Variants in DDX50 observed in about 807,000 individuals in gnomAD.
DDX50 encodes the protein DExD-box helicase 50, also known as ATP-dependent RNA helicase DDX50.
A neutral mutation model predicts 94.8 loss-of-function variants in DDX50; 56 were observed. The observed-to-expected ratio is 0.59, with a 90% CI of 0.48 to 0.74. The LOEUF (loss-of-function observed/expected upper bound fraction) is 0.74. Ranked by LOEUF, DDX50 falls within the 30% of genes least tolerant of loss-of-function variation. The pLI is 0.00. For synonymous variants in DDX50, 264 were observed against 295.4 expected, an observed-to-expected ratio of 0.89 and a Z score of 1.09; for missense variants, 713 against 881.2, an observed-to-expected ratio of 0.81 and a Z score of 2.42.
intron 12 of DDX50, among the ~76,000 whole-genome samples, chr10:68,939,263 A>G (rs1447228956): frequency 2.6e-5 from 4 of 152,202 alleles, no homozygotes; most frequent in Admixed American, 2.6e-4. Context: ...CTAGTAACCC[A>G]CCAAATGCTT....
At chr10:68,907,317 CTTTTTT>C (rs59316500) in intron 2 of DDX50, among the ~76,000 whole-genome samples, 7 of 130,504 alleles carry the variant, frequency 5.4e-5, no homozygotes, top group Non-Finnish European at 7.9e-5. Context: ...TTTCTTTTTT[CTTTTTT>C]TTTTTTTTTT....
chr10:68,918,726 C>T (rs1841868884), intron 7 of DDX50, among the ~76,000 whole-genome samples: 2 of 152,216 alleles, frequency 1.3e-5, no homozygotes, highest in Admixed American at 1.3e-4. Context: ...TATTCCCAGC[C>T]TCCATTCCCT....
chr10:68,901,353 C>G lies in DDX50; in HGVS notation c.-32C>G, dbSNP rs1841279195. Reference sequence around the variant, plus strand: ...CGCTGCCCGTAGGTGGTTGTGGCCACTGTGCCCGGAGGGAGGCGGCGGTGG... The same window carrying G: ...CGCTGCCCGTAGGTGGTTGTGGCCAGTGTGCCCGGAGGGAGGCGGCGGTGG... On this transcript the variant is annotated 5_prime_UTR_variant, in exon 1 of 15. Coordinates refer to ENST00000373585, the MANE Select transcript of DDX50 (RefSeq NM_024045.2). The G allele has an allele frequency of 2.0e-6, 3 of 1,520,098 alleles. No homozygotes were observed. The highest frequency in any genetic ancestry group is 2.6e-5 in the East Asian group (1 of 38,470). The allele number at this position is 1,520,098 out of a possible 1,614,324, so 94.2% of individuals were successfully genotyped here. A position where few individuals can be genotyped will look rare whatever the true frequency, so the allele number is the denominator to read the frequency against.
chr10:68,926,685 G>T (rs966253140), intron 8 of DDX50, among the ~76,000 whole-genome samples: 1 of 151,418 alleles, frequency 6.6e-6, no homozygotes, highest in African/African-American at 2.4e-5. Context: ...CGGGAGAATC[G>T]ATTAAGCCCC....
rs1188921617 is a variant in DDX50, at chr10:68,936,795, CGTGCCA to C, written c.1596-136_1596-131del. 7 of 724,176 alleles carry C rather than the reference CGTGCCA, an allele frequency of 9.7e-6. No homozygotes were observed. In the East Asian group the frequency reaches 2.1e-4, roughly 22 times the overall value. The allele number at this position is 724,176 out of a possible 1,614,324, so 44.9% of individuals were successfully genotyped here. On this transcript the variant is annotated intron_variant, in intron 11 of 14. Coordinates refer to ENST00000373585, the MANE Select transcript of DDX50 (RefSeq NM_024045.2). ...GGTTGAGGCTGCAGTGAGCCAAGAT[CGTGCCA>C]GTGCGCTCCAGACTGGGTGACAGAG...
chr10:68,941,150 G>A lies in DDX50; in HGVS notation c.1846G>A (p.Ala616Thr). The A allele has an allele frequency of 6.2e-7, 1 of 1,613,460 alleles. No individual in the cohort carries two copies. The highest frequency in any genetic ancestry group is 8.5e-7 in the Non-Finnish European group (1 of 1,179,858). Reference protein sequence around the residue: ...KELNRKLSSNAVSQITRMCLL... With the variant: ...KELNRKLSSNTVSQITRMCLL... Reference sequence around the variant, plus strand: ...ACTTAACAGAAAGCTGAGTAGTAATGCAGTGTCTCAGATTACCAGAATGTG... The same window carrying A: ...ACTTAACAGAAAGCTGAGTAGTAATACAGTGTCTCAGATTACCAGAATGTG... The change falls in exon 13 of 15, where the codon GCA becomes ACA. Residue 616 changes from alanine to threonine, a missense_variant. This residue lies in a region of DDX50 where 428 missense variants were observed against 602.3 expected (regional missense o/e 0.71). Coordinates refer to ENST00000373585, the MANE Select transcript of DDX50 (RefSeq NM_024045.2).
intron 1 of DDX50, among the ~76,000 whole-genome samples, chr10:68,904,004 C>G (rs1409783124): frequency 6.8e-6 from 1 of 146,900 alleles, no homozygotes; most frequent in Admixed American, 6.8e-5. Flanking sequence ...ATTAGCTGGG[C>G]GTGGTGGCAG....
At chr10:68,928,423 C>A (rs1438365357) in intron 8 of DDX50, among the ~76,000 whole-genome samples, 1 of 152,154 alleles carries the variant, frequency 6.6e-6, no homozygotes, top group Admixed American at 6.5e-5. Flanking sequence ...GTAATCCCAG[C>A]ACTTTGGGAG....
rs985572877 is a variant in DDX50 at position 68,901,315 on chromosome 10, C to A, written c.-70C>A. The A allele has an allele frequency of 7.0e-7, 1 of 1,432,448 alleles. No homozygotes were observed. Among genetic ancestry groups the A allele is most frequent in the African/African-American group, 1.5e-5 (1 of 68,510 alleles). 88.7% of individuals were successfully genotyped at this position (1,432,448 alleles called of 1,614,324 possible). ...CCGGGCGGCCGCCTTGCCCCCGCTT[C>A]CTTTCACGCTGTCGCTGCCCGTAGG... is the stretch of plus-strand genomic sequence containing the variant. On this transcript the variant is annotated 5_prime_UTR_variant, in exon 1 of 15. Coordinates refer to ENST00000373585, the MANE Select transcript of DDX50 (RefSeq NM_024045.2).
At chr10:68,925,838 AC>A (rs1842067445) in intron 8 of DDX50, among the ~76,000 whole-genome samples, 1 of 151,748 alleles carries the variant, frequency 6.6e-6, no homozygotes. Flanking sequence ...ACATGGTGAA[AC>A]CCGGTCTCCA....
intron 8 of DDX50, among the ~76,000 whole-genome samples, chr10:68,925,337 C>T (rs533206993): frequency 1.1e-3 from 169 of 151,688 alleles, no homozygotes; most frequent in Admixed American, 4.9e-3. Context: ...CTCGAACTCT[C>T]GATCTCAGAT....
intron 12 of DDX50, among the ~76,000 whole-genome samples, chr10:68,940,480 T>C (rs1842530280): frequency 6.6e-6 from 1 of 151,748 alleles, no homozygotes; most frequent in African/African-American, 2.4e-5. Context: ...AGTGCAGTGG[T>C]GCAATCTCGG....
chr10:68,923,769 G>A (rs552746932), intron 8 of DDX50, among the ~76,000 whole-genome samples: 117 of 148,838 alleles, frequency 7.9e-4, no homozygotes, highest in African/African-American at 2.8e-3. Flanking sequence ...GTCTCGAACT[G>A]CTGACCTCAA....
rs1841690448 is a variant in DDX50, at chr10:68,913,403, G to A, written c.770G>A (p.Arg257Gln). 1.9e-6 allele frequency: 3 copies of A among 1,611,122 alleles called. No individual in the cohort carries two copies. The highest frequency in any genetic ancestry group is 1.3e-5 in the African/African-American group (1 of 74,800). Residue 257 changes from arginine to glutamine, a missense_variant, in exon 6 of 15, where the codon CGA becomes CAA. Coordinates refer to ENST00000373585, the MANE Select transcript of DDX50 (RefSeq NM_024045.2). ...TCTCTTCTCACAGTTAATCATATTC[G>A]AAATGGTATTGACATCTTGGTTGGA... is the stretch of plus-strand genomic sequence containing the variant. ...TSYQSQINHI[R>Q]NGIDILVGTP...
rs1589252580 is a variant in DDX50 at position 68,913,212 on chromosome 10, C to T, written c.690C>T (p.Asp230=). ...AACTGGCAAACCAAGTAGCCAAAGA[C>T]TTCAAAGATATAACTAGGAAACTCA... The part of the protein sequence containing the change: ...TRELANQVAK[D]FKDITRKLSV... Residue 230 remains aspartate, a synonymous_variant, in exon 5 of 15, where the codon GAC becomes GAT. Transcript: ENST00000373585. The T allele has an allele frequency of 6.2e-7, 1 of 1,613,382 alleles. No individual in the cohort carries two copies. The highest frequency in any genetic ancestry group is 8.5e-7 in the Non-Finnish European group (1 of 1,179,872).
At chr10:68,914,747 C>T (rs1341218693) in intron 7 of DDX50, among the ~76,000 whole-genome samples, 1 of 152,222 alleles carries the variant, frequency 6.6e-6, no homozygotes, top group Non-Finnish European at 1.5e-5. Flanking sequence ...TTGGGCTGAG[C>T]ATGGTGGCTC....
intron 7 of DDX50, among the ~76,000 whole-genome samples, chr10:68,918,734 C>T (rs1841869250): frequency 6.6e-6 from 1 of 152,080 alleles, no homozygotes; most frequent in Admixed American, 6.6e-5. Context: ...GCCTCCATTC[C>T]CTCCTTTCTT....
At chr10:68,910,272 A>G in intron 2 of DDX50, 35 bp from the exon 3 acceptor site, 1 of 1,496,324 alleles carries the variant, frequency 6.7e-7, no homozygotes, top group Non-Finnish European at 9.2e-7. Flanking sequence ...AGAGTTGAGT[A>G]TAAATTATTT....
chr10:68,902,190 CAAAAAAAA>C (rs35302047), intron 1 of DDX50, among the ~76,000 whole-genome samples: 15 of 94,298 alleles, frequency 1.6e-4, no homozygotes, highest in African/African-American at 4.4e-4. Flanking sequence ...CCCTGCCCTC[CAAAAAAAA>C]AAAAAAAAAA....
Sources: gnomAD v4.1 joint callset for allele counts (sites outside exome capture counted in the v4.1 genomes callset) on GRCh38, gnomAD v4.1.1 for gene constraint, gnomAD v4.1.1 regional missense constraint, MANE v1.5 for transcripts, NCBI Gene and HGNC (gene_info 2026-07-23, HGNC 2026-07-21) for gene names.